Variants in AKR1D1 observed in about 807,000 individuals in gnomAD.
AKR1D1 encodes aldo-keto reductase family 1 member D1.
Under a neutral mutation model 42.6 loss-of-function variants are expected in AKR1D1, and 32 were observed. That is an observed-to-expected ratio of 0.75 (90% CI 0.57 to 1.01). The LOEUF is 1.01. Among genes scored for constraint, AKR1D1 ranks in the 50% least tolerant of loss-of-function variants. AKR1D1 has a pLI of 0.00. For missense variants in AKR1D1, 364 were observed against 402.2 expected (o/e 0.91, Z 0.81); for synonymous variants, 123 against 135.5 (o/e 0.91, Z 0.64).
chr7:138,079,517 G>C (rs1803009385), intron 1 of AKR1D1, among the ~76,000 whole-genome samples: 1 of 152,190 alleles, frequency 6.6e-6, no homozygotes, highest in Non-Finnish European at 1.5e-5. Context: ...ACAAGAGGGT[G>C]GCAGCTTGTC....
chr7:138,100,088 C>CAAAAAAAAAAAAAAAAAAAA lies in AKR1D1; in HGVS notation c.456+2156_456+2175dup, dbSNP rs59361346. 2.1e-4 allele frequency among the ~76,000 whole-genome samples: 9 copies of CAAAAAAAAAAAAAAAAAAAA among 43,568 alleles called. 1 individual carries two copies. Among genetic ancestry groups the CAAAAAAAAAAAAAAAAAAAA allele is most frequent in the African/African-American group, 5.8e-4 (6 of 10,300 alleles). The allele number at this position is 43,568 out of a possible 152,430, so 28.6% of individuals were successfully genotyped here. Reference sequence around the variant, plus strand: ...TGGGCAATATAGCGAGATTTCATCTCAAAAAAAAAAAAAAAAAAAAAAAAA... The same window carrying CAAAAAAAAAAAAAAAAAAAA: ...TGGGCAATATAGCGAGATTTCATCTCAAAAAAAAAAAAAAAAAAAAAAAAAAAAAAAAAAAAAAAAAAAAA... On this transcript the variant is annotated intron_variant, in intron 4 of 8. Transcript: ENST00000242375.
chr7:138,098,338 A>AGT (rs1794223910), intron 4 of AKR1D1: 1 of 191,264 alleles, frequency 5.2e-6, no homozygotes, highest in African/African-American at 2.4e-5. Flanking sequence ...GGCCAGTCGC[A>AGT]GTGGCTCACA....
chr7:138,115,412 G>A (rs1794615405), intron 8 of AKR1D1, among the ~76,000 whole-genome samples: 1 of 152,176 alleles, frequency 6.6e-6, no homozygotes, highest in Non-Finnish European at 1.5e-5. Flanking sequence ...GGTAGACAGA[G>A]CAAGGCCCTG....
At chr7:138,105,537 A>AT in intron 5 of AKR1D1, 108 bp downstream of exon 5, 1 of 1,486,488 alleles carries the variant, frequency 6.7e-7, no homozygotes, top group East Asian at 2.3e-5. Context: ...CTCCACCTAA[A>AT]TCTCATCATG....
chr7:138,106,775 T>C (rs1037547880), intron 6 of AKR1D1, 58 bp downstream of exon 6: 20 of 1,325,618 alleles, frequency 1.5e-5, no homozygotes, highest in Non-Finnish European at 2.2e-5. Flanking sequence ...TCATGTGAAC[T>C]ACTGTATTTG....
intron 2 of AKR1D1, among the ~76,000 whole-genome samples, chr7:138,090,269 G>GA (rs1794037315): frequency 6.6e-6 from 1 of 151,902 alleles, no homozygotes; most frequent in African/African-American, 2.4e-5. Flanking sequence ...TTTAAGGCAA[G>GA]AAAAAAATCA....
Position 138,079,046 on chromosome 7 carries a change from G to T in AKR1D1, c.93+2435G>T, listed in dbSNP as rs957381272. Among the ~76,000 whole-genome samples, 11 of 152,146 alleles carry T rather than the reference G, an allele frequency of 7.2e-5. 1 individual carries two copies. The South Asian group carries it at 1.9e-3, about 26-fold the overall frequency. Reference sequence around the variant, plus strand: ...AGGTTTTTGCTATGTTGCCCAGGCTGGTCTCAAACTCCTGGGCTCAAGTGA... The same window carrying T: ...AGGTTTTTGCTATGTTGCCCAGGCTTGTCTCAAACTCCTGGGCTCAAGTGA... On this transcript the variant is annotated intron_variant, in intron 1 of 8. Transcript: ENST00000242375.
intron 8 of AKR1D1, 30 bp from the exon 9 acceptor site, chr7:138,116,590 C>CT (rs760637408): frequency 6.2e-7 from 1 of 1,614,046 alleles, no homozygotes; most frequent in Non-Finnish European, 8.5e-7. Context: ...TTTGAGTGAA[C>CT]TTTTTTCTGT....
chr7:138,091,699 G>T (rs1798936615), intron 2 of AKR1D1, 69 bp from the exon 3 acceptor site: 6 of 1,226,826 alleles, frequency 4.9e-6, no homozygotes, highest in South Asian at 1.2e-5. Flanking sequence ...GTTTTACAAA[G>T]AAAAAGGGGC....
At chr7:138,099,662 T>A (rs76911270) in intron 4 of AKR1D1, among the ~76,000 whole-genome samples, 1,656 of 150,530 alleles carry the variant, frequency 0.011, 28 homozygotes, top group African/African-American at 0.039. Context: ...GAAATTCCAA[T>A]ATCCACACAA....
Position 138,099,473 on chromosome 7 carries a change from A to G in AKR1D1, c.456+1530A>G, listed in dbSNP as rs1028815347. Among the ~76,000 whole-genome samples the G allele has an allele frequency of 3.3e-5, 5 of 152,328 alleles. No homozygotes were observed. The South Asian group carries it at 1.0e-3, about 32-fold the overall frequency. On this transcript the variant is annotated intron_variant, in intron 4 of 8. Coordinates refer to ENST00000242375, the MANE Select transcript of AKR1D1 (RefSeq NM_005989.4). ...ATAAAACGTGAACAAACAACATTTTAAAAAACAAGCTAAAATAAAAATTAA... is the reference window on the plus strand; with the variant it reads ...ATAAAACGTGAACAAACAACATTTTGAAAAACAAGCTAAAATAAAAATTAA...
intron 3 of AKR1D1, among the ~76,000 whole-genome samples, chr7:138,093,643 C>G (rs75566307): frequency 6.6e-6 from 1 of 152,068 alleles, no homozygotes; most frequent in Non-Finnish European, 1.5e-5. Flanking sequence ...TCCTGAAAGA[C>G]CTGCCTGGCG....
At chr7:138,094,353 A>G (rs917539821) in intron 3 of AKR1D1, among the ~76,000 whole-genome samples, 5 of 152,098 alleles carry the variant, frequency 3.3e-5, no homozygotes, top group Non-Finnish European at 7.4e-5. Flanking sequence ...CATCTCTACA[A>G]AAAATACAAA....
rs571186921 is a variant in AKR1D1, at chr7:138,109,090, G to A, written c.855+1510G>A. ...AAAAACTCAAAACAATCTTCAACAG[G>A]ATTTTATAAAACAAGCTATGACATA... On this transcript the variant is annotated intron_variant, in intron 7 of 8. Transcript: ENST00000242375. Among the ~76,000 whole-genome samples, 3 of 152,084 alleles carry A rather than the reference G, an allele frequency of 2.0e-5. No homozygotes were observed. In the South Asian group the frequency reaches 6.2e-4, roughly 32 times the overall value.
Position 138,116,752 on chromosome 7 carries a change from G to T in AKR1D1, c.*90G>T. ...CCCTAGATGTGAAAATGAAGAGAGAGGGTTTTACCATCCTGAGAAGAAATA... is the reference window on the plus strand; with the variant it reads ...CCCTAGATGTGAAAATGAAGAGAGATGGTTTTACCATCCTGAGAAGAAATA... On this transcript the variant is annotated 3_prime_UTR_variant, in exon 9 of 9. Transcript: ENST00000242375. 8.4e-7 allele frequency: 1 copy of T among 1,186,702 alleles called. No homozygotes were observed. The highest frequency in any genetic ancestry group is 1.2e-6 in the Non-Finnish European group (1 of 802,022). The allele number at this position is 1,186,702 out of a possible 1,614,324, so 73.5% of individuals were successfully genotyped here. A position where few individuals can be genotyped will look rare whatever the true frequency, so the allele number is the denominator to read the frequency against.
chr7:138,081,570 G>A (rs151021300), intron 1 of AKR1D1, among the ~76,000 whole-genome samples: 2,889 of 124,726 alleles, frequency 0.023, 115 homozygotes, highest in African/African-American at 0.085. Context: ...TTGTTGCCCC[G>A]GCTGGAGTGC....
intron 5 of AKR1D1, 73 bp downstream of exon 5, chr7:138,105,502 TG>T (rs1276076866): frequency 6.3e-7 from 1 of 1,599,414 alleles, no homozygotes; most frequent in Non-Finnish European, 8.6e-7. Context: ...AAGCCTCAGC[TG>T]GGAGTCAGGA....
intron 1 of AKR1D1, among the ~76,000 whole-genome samples, chr7:138,081,688 C>T (rs1273161066): frequency 1.3e-5 from 2 of 151,738 alleles, no homozygotes; most frequent in African/African-American, 4.8e-5. Context: ...ACCACAACAC[C>T]CAGCTAATTT....
intron 4 of AKR1D1, 62 bp from the exon 5 acceptor site, chr7:138,105,245 T>C: frequency 6.2e-7 from 1 of 1,612,262 alleles, no homozygotes; most frequent in South Asian, 1.1e-5. Flanking sequence ...GTCACCCTTA[T>C]AAACATTCAT....
Sources: gnomAD v4.1 joint callset for allele counts (sites outside exome capture counted in the v4.1 genomes callset) on GRCh38, gnomAD v4.1.1 for gene constraint, MANE v1.5 for transcripts, NCBI Gene and HGNC (gene_info 2026-07-23, HGNC 2026-07-21) for gene names.